The following RFX3 variants were observed in gnomAD, a reference collection of about 807,000 sequenced individuals.
RFX3 encodes regulatory factor X3.
RFX3 carries 14 observed loss-of-function variants against 98.6 expected under a neutral mutation model. That is an observed-to-expected ratio of 0.14 (90% CI 0.09 to 0.22). RFX3 has a LOEUF of 0.22. Among genes scored for constraint, RFX3 ranks in the 10% least tolerant of loss-of-function variants. RFX3 has a pLI of 1.00. For synonymous variants in RFX3, 383 were observed against 328.4 expected (o/e 1.17, Z -1.80); for missense variants, 639 against 926.9 (o/e 0.69, Z 4.03).
At chr9:3,404,122 A>C (rs1031922001) in intron 1 of RFX3, among the ~76,000 whole-genome samples, 2 of 152,214 alleles carry the variant, frequency 1.3e-5, no homozygotes, top group African/African-American at 4.8e-5. Context: ...TAAATGTACA[A>C]TATCTTAAAG....
intron 2 of RFX3, among the ~76,000 whole-genome samples, chr9:3,365,868 A>G (rs890192034): frequency 2.0e-5 from 3 of 151,962 alleles, no homozygotes; most frequent in African/African-American, 4.8e-5. Context: ...AGTTAACACT[A>G]ACTGCCACAC....
chr9:3,348,717 G>A (rs143925492), intron 2 of RFX3, among the ~76,000 whole-genome samples: 39 of 151,954 alleles, frequency 2.6e-4, no homozygotes, highest in East Asian at 1.4e-3. Flanking sequence ...GTTTTTGTTT[G>A]TATCCTTACG....
rs117304486 is a variant in RFX3 at position 3,495,077 on chromosome 9, T to C, written c.-9+30670A>G. Among the ~76,000 whole-genome samples the C allele has an allele frequency of 3.8e-3, 578 of 151,990 alleles. 5 individuals carry two copies. Among genetic ancestry groups the C allele is most frequent in the Middle Eastern group, 0.01 (3 of 294 alleles). On this transcript the variant is annotated intron_variant, in intron 1 of 16. Coordinates refer to ENST00000617270, the MANE Select transcript of RFX3 (RefSeq NM_001282116.2). ...AAAAGAAAGTCCACACTATTTCATATGTGTATGTATTTACATATGTATGTA... is the reference window on the plus strand; with the variant it reads ...AAAAGAAAGTCCACACTATTTCATACGTGTATGTATTTACATATGTATGTA...
chr9:3,393,778 G>A (rs1840562480), intron 2 of RFX3, among the ~76,000 whole-genome samples: 1 of 152,026 alleles, frequency 6.6e-6, no homozygotes, highest in African/African-American at 2.4e-5. Flanking sequence ...CTAAACAATT[G>A]GTACACATGA....
chr9:3,451,704 C>T (rs758684892), intron 1 of RFX3, among the ~76,000 whole-genome samples: 4 of 151,972 alleles, frequency 2.6e-5, no homozygotes, highest in Non-Finnish European at 4.4e-5. Context: ...TCCAGAGTAA[C>T]CTGATAGTGG....
chr9:3,228,816 T>C, intron 16 of RFX3, 31 bp downstream of exon 16: 1 of 1,578,120 alleles, frequency 6.3e-7, no homozygotes, highest in Middle Eastern at 1.7e-4. Flanking sequence ...AAATAAAAGT[T>C]CTTAAAATGT....
At chr9:3,387,148 T>C (rs905304147) in intron 2 of RFX3, among the ~76,000 whole-genome samples, 4 of 152,154 alleles carry the variant, frequency 2.6e-5, no homozygotes, top group African/African-American at 9.7e-5. Flanking sequence ...ATCTTTGGTG[T>C]CACATTATTG....
At chr9:3,376,891 G>A (rs1838588819) in intron 2 of RFX3, among the ~76,000 whole-genome samples, 2 of 152,170 alleles carry the variant, frequency 1.3e-5, no homozygotes, top group South Asian at 2.1e-4. Context: ...AAACCACTAT[G>A]AGATACCATC....
At chr9:3,390,865 A>G (rs527791519) in intron 2 of RFX3, among the ~76,000 whole-genome samples, 17 of 152,208 alleles carry the variant, frequency 1.1e-4, no homozygotes, top group South Asian at 1.0e-3. Flanking sequence ...TGTCTTTATT[A>G]CTAGCATGAA....
chr9:3,503,603 T>C (rs1156382926), intron 1 of RFX3, among the ~76,000 whole-genome samples: 1 of 152,090 alleles, frequency 6.6e-6, no homozygotes, highest in Non-Finnish European at 1.5e-5. Flanking sequence ...TCTAAAAATA[T>C]CAGTATGACA....
intron 2 of RFX3, among the ~76,000 whole-genome samples, chr9:3,371,074 G>A (rs978055578): frequency 6.6e-6 from 1 of 152,126 alleles, no homozygotes; most frequent in Non-Finnish European, 1.5e-5. Flanking sequence ...CTAATTAGGA[G>A]TAAAGTCATT....
chr9:3,398,914 T>TAA (rs71324247), intron 1 of RFX3, among the ~76,000 whole-genome samples: 1,579 of 67,460 alleles, frequency 0.023, 88 homozygotes, highest in African/African-American at 0.063. Context: ...TAGAGTATAA[T>TAA]AAAAAAAAAA....
chr9:3,476,627 A>G (rs745364396), intron 1 of RFX3, among the ~76,000 whole-genome samples: 8 of 152,222 alleles, frequency 5.3e-5, no homozygotes, highest in Admixed American at 4.6e-4. Context: ...GAAGAGAACC[A>G]TATCTGTAAA....
At chr9:3,369,877 T>C (rs1475735407) in intron 2 of RFX3, among the ~76,000 whole-genome samples, 1 of 152,088 alleles carries the variant, frequency 6.6e-6, no homozygotes, top group Admixed American at 6.6e-5. Flanking sequence ...TCGCCCAGGC[T>C]GGAGTGCGGT....
chr9:3,449,976 T>C (rs1351958335), intron 1 of RFX3, among the ~76,000 whole-genome samples: 2 of 152,142 alleles, frequency 1.3e-5, no homozygotes, highest in Non-Finnish European at 2.9e-5. Context: ...ATTTGGTTAA[T>C]TCTTTGAAAA....
chr9:3,366,380 T>A (rs1228854107), intron 2 of RFX3, among the ~76,000 whole-genome samples: 1 of 152,238 alleles, frequency 6.6e-6, no homozygotes, highest in African/African-American at 2.4e-5. Context: ...TACGTGTGTG[T>A]CTGCACATAC....
Position 3,512,004 on chromosome 9 carries a change from C to T in RFX3, c.-9+13743G>A, listed in dbSNP as rs140989753. 5.9e-5 allele frequency among the ~76,000 whole-genome samples: 9 copies of T among 152,102 alleles called. No individual in the cohort carries two copies. The East Asian group carries it at 1.7e-3, about 29-fold the overall frequency. On this transcript the variant is annotated intron_variant, in intron 1 of 16. Transcript: ENST00000617270. Reference sequence around the variant, plus strand: ...GTAAATGCTTAAGGTGACAGACACCCCATTTACTCTTACGTGACTACTATG... The same window carrying T: ...GTAAATGCTTAAGGTGACAGACACCTCATTTACTCTTACGTGACTACTATG...
intron 5 of RFX3, among the ~76,000 whole-genome samples, chr9:3,294,088 A>T (rs12344763): frequency 0.037 from 5,619 of 152,258 alleles, 317 homozygotes; most frequent in African/African-American, 0.13. Flanking sequence ...AAATTTTAGA[A>T]AATTGAATCC....
intron 1 of RFX3, among the ~76,000 whole-genome samples, chr9:3,477,784 T>C (rs1444411975): frequency 6.6e-6 from 1 of 152,214 alleles, no homozygotes; most frequent in African/African-American, 2.4e-5. Context: ...ATAATGTCCA[T>C]GTTGGCACAA....
Sources: allele counts gnomAD v4.1 joint callset (sites outside exome capture counted in the v4.1 genomes callset), GRCh38; gene constraint gnomAD v4.1.1; transcripts MANE v1.5; gene names NCBI Gene and HGNC (gene_info 2026-07-23, HGNC 2026-07-21).